TCTN3: variants seen among roughly 807,000 people sequenced by gnomAD.
The protein encoded by TCTN3 is tectonic family member 3, also known as tectonic-3.
Under a neutral mutation model 71.3 loss-of-function variants are expected in TCTN3, and 57 were observed. The observed-to-expected ratio is 0.80, with a 90% CI of 0.65 to 1.00. TCTN3 has a LOEUF of 1.00. Among genes scored for constraint, TCTN3 ranks in the 50% least tolerant of loss-of-function variants. The pLI, the probability that TCTN3 is intolerant of heterozygous loss-of-function variation, is 0.00. For missense variants in TCTN3, 696 were observed against 719.9 expected (o/e 0.97, Z 0.38); for synonymous variants, 258 against 267.8 (o/e 0.96, Z 0.36).
At chr10:95,684,653 A>G (rs759678559) in intron 8 of TCTN3, 29 bp from the exon 9 acceptor site, 1 of 1,611,242 alleles carries the variant, frequency 6.2e-7, no homozygotes, top group South Asian at 1.1e-5. Context: ...CAATTAATAA[A>G]AAGTAGTTAT....
At chr10:95,693,114 C>T (rs2097955183) in intron 2 of TCTN3, 76 bp from the exon 3 acceptor site, 1 of 1,283,004 alleles carries the variant, frequency 7.8e-7, no homozygotes, top group Non-Finnish European at 1.1e-6. Context: ...CCAGCAATAT[C>T]GGCCAGATGA....
At chr10:95,689,865 G>C (rs1260186929) in intron 3 of TCTN3, among the ~76,000 whole-genome samples, 4 of 152,212 alleles carry the variant, frequency 2.6e-5, no homozygotes. Context: ...CAGAGGGCCA[G>C]CTTGCAGAGC....
intron 13 of TCTN3, among the ~76,000 whole-genome samples, chr10:95,675,657 AC>A: frequency 6.6e-6 from 1 of 152,346 alleles, no homozygotes; most frequent in East Asian, 1.9e-4. Context: ...TATTAAGTCT[AC>A]TGGTGGTGCT....
Position 95,664,235 on chromosome 10 carries a change from C to T in TCTN3, c.1656G>A (p.Lys552=). The change falls in exon 14 of 14, where the codon AAG becomes AAA. Residue 552 remains lysine, a synonymous_variant. Coordinates refer to ENST00000371217, the MANE Select transcript of TCTN3 (RefSeq NM_015631.6). ...TLVNFVDITQ[K]PQPPRGQPKM... The stretch of plus-strand genomic sequence containing the variant: ...TGGGTTGGCCCCTTGGAGGCTGTGG[C>T]TTCTGGGTAATGTCCACAAAGTTCA... The T allele has an allele frequency of 6.2e-7, 1 of 1,614,150 alleles. No individual in the cohort carries two copies.
chr10:95,674,832 A>C (rs1479229020), intron 13 of TCTN3, among the ~76,000 whole-genome samples: 1 of 152,022 alleles, frequency 6.6e-6, no homozygotes, highest in African/African-American at 2.4e-5. Context: ...AGAATGAATG[A>C]ATGAATGAAT....
rs1223582407 is a variant in TCTN3 at position 95,677,483 on chromosome 10, GT to G, written c.1590+2988del. Among the ~76,000 whole-genome samples the G allele has an allele frequency of 2.9e-3, 183 of 62,034 alleles. 4 individuals carry two copies. The highest frequency in any genetic ancestry group is 9.1e-3 in the African/African-American group (169 of 18,638). 40.7% of individuals were successfully genotyped at this position (62,034 alleles called of 152,430 possible). A position where few individuals can be genotyped will look rare whatever the true frequency, so the allele number is the denominator to read the frequency against. On this transcript the variant is annotated intron_variant, in intron 13 of 13. Transcript: ENST00000371217. ...GATAGTGAAGTCTACAGTTTTTTTT[GT>G]TTTTTTTTTTTTTTTTTGCTGTATT...
chr10:95,681,664 G>A (rs2097943154), intron 12 of TCTN3, among the ~76,000 whole-genome samples: 1 of 152,134 alleles, frequency 6.6e-6, no homozygotes, highest in Non-Finnish European at 1.5e-5. Context: ...ATATGGTTTT[G>A]ATTTTTAACC....
intron 13 of TCTN3, among the ~76,000 whole-genome samples, chr10:95,668,812 A>G (rs1207422958): frequency 6.6e-6 from 1 of 152,208 alleles, no homozygotes; most frequent in African/African-American, 2.4e-5. Context: ...ACTAGTCCAC[A>G]CTACATCAGG....
intron 12 of TCTN3, 50 bp from the exon 13 acceptor site, chr10:95,680,659 TA>T: frequency 6.3e-7 from 1 of 1,594,220 alleles, no homozygotes; most frequent in Non-Finnish European, 8.5e-7. Context: ...TGGTTGCCTA[TA>T]GTCAATCACC....
chr10:95,670,061 CAAAAAAAAAAAA>C (rs34609339), intron 13 of TCTN3, among the ~76,000 whole-genome samples: 1 of 81,086 alleles, frequency 1.2e-5, no homozygotes, highest in Non-Finnish European at 2.3e-5. Flanking sequence ...GACTCCGTCT[CAAAAAAAAAAAA>C]AAAAAAAAAA....
In TCTN3 at chr10:95,663,756, G is replaced by A. The variant is rs950192516; in HGVS notation, c.*311C>T. 1.7e-5 allele frequency: 5 copies of A among 296,942 alleles called. No homozygotes were observed. The Admixed American group carries it at 1.8e-4, about 11-fold the overall frequency. The allele number at this position is 296,942 out of a possible 1,614,324, so 18.4% of individuals were successfully genotyped here. A position where few individuals can be genotyped will look rare whatever the true frequency, so the allele number is the denominator to read the frequency against. ...CTGAGGGCTGATGGATCCAGACCTT[G>A]TAAACATTCAGCTAGGTGTAACATA... On this transcript the variant is annotated 3_prime_UTR_variant, in exon 14 of 14. Transcript: ENST00000371217.
chr10:95,665,834 T>G (rs1687717345), intron 13 of TCTN3, among the ~76,000 whole-genome samples: 1 of 151,816 alleles, frequency 6.6e-6, no homozygotes, highest in South Asian at 2.1e-4. Flanking sequence ...CCCAGGCTGA[T>G]CTCAAACACC....
In TCTN3 at chr10:95,676,531, T is replaced by C. The variant is rs1338976118; in HGVS notation, c.1590+3941A>G. 2.0e-5 allele frequency among the ~76,000 whole-genome samples: 3 copies of C among 152,132 alleles called. No individual in the cohort carries two copies. In the East Asian group the frequency reaches 5.8e-4, roughly 29 times the overall value. Reference sequence around the variant, plus strand: ...GAAAATATCACATTTTCTGTTGTGATACTGAAAATCACAAATTGTGGGTGC... The same window carrying C: ...GAAAATATCACATTTTCTGTTGTGACACTGAAAATCACAAATTGTGGGTGC... On this transcript the variant is annotated intron_variant, in intron 13 of 13. Transcript: ENST00000371217.
rs773062899 is a variant in TCTN3 at position 95,687,149 on chromosome 10, C to G, written c.747G>C (p.Glu249Asp). ...CAESNPAGFL[E>D]SKSTTCTRFF... ...AACGAGTGCAAGTTGTACTTTTACTCTCTAGGAAACCTTAAACACAAATAA... is the reference window on the plus strand; with the variant it reads ...AACGAGTGCAAGTTGTACTTTTACTGTCTAGGAAACCTTAAACACAAATAA... The change falls in exon 6 of 14, where the codon GAG becomes GAC. Residue 249 changes from glutamate to aspartate, a missense_variant. Transcript: ENST00000371217. The G allele has an allele frequency of 6.2e-7, 1 of 1,613,992 alleles. No individual in the cohort carries two copies. Among genetic ancestry groups the G allele is most frequent in the South Asian group, 1.1e-5 (1 of 91,068 alleles).
At chr10:95,684,351 G>T in intron 9 of TCTN3, 148 bp downstream of exon 9, 1 of 960,876 alleles carries the variant, frequency 1.0e-6, no homozygotes, top group Non-Finnish European at 1.4e-6. Context: ...GTAAAATTAT[G>T]GAATATTAAA....
chr10:95,676,254 CTT>C (rs199882523), intron 13 of TCTN3, among the ~76,000 whole-genome samples: 39 of 136,202 alleles, frequency 2.9e-4, no homozygotes, highest in African/African-American at 2.4e-4. Context: ...TAGAAAATAT[CTT>C]TTTTTTTTTT....
chr10:95,677,489 T>TGTTG (rs1203803656), intron 13 of TCTN3, among the ~76,000 whole-genome samples: 5 of 130,946 alleles, frequency 3.8e-5, no homozygotes, highest in South Asian at 2.6e-4. Flanking sequence ...TTTTGTTTTT[T>TGTTG]TTTTTTTTTT....
chr10:95,673,488 G>A (rs1270896073), intron 13 of TCTN3, among the ~76,000 whole-genome samples: 3 of 152,160 alleles, frequency 2.0e-5, no homozygotes, highest in African/African-American at 7.2e-5. Context: ...TTTGGTTACA[G>A]GGATGAGCTC....
At chr10:95,678,252 C>T (rs1351429355) in intron 13 of TCTN3, among the ~76,000 whole-genome samples, 1 of 152,146 alleles carries the variant, frequency 6.6e-6, no homozygotes, top group Non-Finnish European at 1.5e-5. Flanking sequence ...TCACAAGAGG[C>T]TGGGCGTGGT....
Sources: gnomAD v4.1 joint callset for allele counts (sites outside exome capture counted in the v4.1 genomes callset) on GRCh38, gnomAD v4.1.1 for gene constraint, MANE v1.5 for transcripts, NCBI Gene and HGNC (gene_info 2026-07-23, HGNC 2026-07-21) for gene names.